Variants in ITGA2 observed in about 807,000 individuals in gnomAD.
ITGA2 encodes integrin alpha-2.
A neutral mutation model predicts 146.3 loss-of-function variants in ITGA2; 101 were observed. That is an observed-to-expected ratio of 0.69 (90% CI 0.59 to 0.81). The LOEUF (loss-of-function observed/expected upper bound fraction) is 0.81. Ranked by LOEUF, ITGA2 falls within the 40% of genes least tolerant of loss-of-function variation. ITGA2 has a pLI of 0.00. For synonymous variants in ITGA2, 477 were observed against 487.1 expected (o/e 0.98, Z 0.27); for missense variants, 1,281 against 1,402.7 (o/e 0.91, Z 1.39).
At chr5:53,054,578 G>A (rs553935501) in intron 7 of ITGA2, among the ~76,000 whole-genome samples, 3 of 152,002 alleles carry the variant, frequency 2.0e-5, no homozygotes, top group Admixed American at 6.6e-5. Context: ...CAATAATGGG[G>A]AACCGGTTAA....
At chr5:53,050,164 T>A (rs535094264) in intron 6 of ITGA2, among the ~76,000 whole-genome samples, 1 of 152,324 alleles carries the variant, frequency 6.6e-6, no homozygotes, top group East Asian at 1.9e-4. Context: ...ATGTGACTAA[T>A]TTTATTTAAG....
intron 27 of ITGA2, among the ~76,000 whole-genome samples, chr5:53,084,235 G>C (rs1746052110): frequency 6.6e-6 from 1 of 152,000 alleles, no homozygotes; most frequent in African/African-American, 2.4e-5. Context: ...CTCCAATTGA[G>C]GAAGAAAAAC....
chr5:53,085,038 C>T (rs1214263057), intron 27 of ITGA2, among the ~76,000 whole-genome samples: 2 of 152,162 alleles, frequency 1.3e-5, no homozygotes, highest in Non-Finnish European at 1.5e-5. Flanking sequence ...AAGTGACATA[C>T]AAGGATTGTG....
chr5:53,043,775 T>C (rs1743922475), intron 3 of ITGA2, among the ~76,000 whole-genome samples: 1 of 152,164 alleles, frequency 6.6e-6, no homozygotes, highest in Non-Finnish European at 1.5e-5. Flanking sequence ...ATTAATGTCA[T>C]TTGTACCTGA....
At chr5:53,045,861 T>C (rs1744055406) in intron 4 of ITGA2, among the ~76,000 whole-genome samples, 1 of 151,958 alleles carries the variant, frequency 6.6e-6, no homozygotes, top group Non-Finnish European at 1.5e-5. Flanking sequence ...CATTGACTCA[T>C]ATAGGTATGT....
intron 1 of ITGA2, among the ~76,000 whole-genome samples, chr5:53,026,501 T>C (rs1742951476): frequency 6.6e-6 from 1 of 152,206 alleles, no homozygotes; most frequent in Non-Finnish European, 1.5e-5. Flanking sequence ...AAGATAATAT[T>C]AGTAACTATC....
intron 4 of ITGA2, 55 bp downstream of exon 4, chr5:53,045,147 G>A (rs1744014538): frequency 2.3e-6 from 3 of 1,295,314 alleles, no homozygotes; most frequent in Middle Eastern, 1.8e-4. Context: ...ATAGACAGTA[G>A]TGTCTTCTCA....
At chr5:53,005,377 T>C (rs1308041051) in intron 1 of ITGA2, among the ~76,000 whole-genome samples, 1 of 151,338 alleles carries the variant, frequency 6.6e-6, no homozygotes, top group Non-Finnish European at 1.5e-5. Flanking sequence ...AGGTGAGGAG[T>C]TTGAGACCAG....
At position 53,065,922 on chromosome 5, in the gene ITGA2, G is replaced by C; in HGVS notation, c.1888G>C (p.Gly630Arg). The change falls in exon 15 of 30, where the codon GGG becomes CGG. Residue 630 changes from glycine to arginine, a missense_variant. Coordinates refer to ENST00000296585, the MANE Select transcript of ITGA2 (RefSeq NM_002203.4). ...RSLDGYGDLN[G>R]DSITDVSIGA... ...CTTGGATGGCTATGGAGATTTAAAT[G>C]GGGATTCCATCACCGATGTGTCTAT... 6.2e-7 allele frequency: 1 copy of C among 1,612,184 alleles called. No homozygotes were observed. Among genetic ancestry groups the C allele is most frequent in the Non-Finnish European group, 8.5e-7 (1 of 1,178,786 alleles).
At chr5:53,020,538 A>C (rs1030739186) in intron 1 of ITGA2, among the ~76,000 whole-genome samples, 5 of 152,142 alleles carry the variant, frequency 3.3e-5, no homozygotes, top group Non-Finnish European at 7.4e-5. Context: ...ATATTTGTGC[A>C]TGTGACAATA....
chr5:53,050,955 C>T (rs2910976), intron 6 of ITGA2, among the ~76,000 whole-genome samples: 1 of 152,246 alleles, frequency 6.6e-6, no homozygotes, highest in East Asian at 1.9e-4. Context: ...GTATTCAATT[C>T]TAATTATTTA....
rs10067497 is a variant in ITGA2, at chr5:52,997,779, A to T, written c.64+8247A>T. Among the ~76,000 whole-genome samples, 804 of 152,288 alleles carry T rather than the reference A, an allele frequency of 5.3e-3. 8 individuals carry two copies. Among genetic ancestry groups the T allele is most frequent in the African/African-American group, 0.019 (770 of 41,548 alleles). ...CAACAGCTTCTTAGATGCTTGTTAG[A>T]ATAGAGACCCCAAACCATCCTGGAT... On this transcript the variant is annotated intron_variant, in intron 1 of 29. Transcript: ENST00000296585.
chr5:53,039,739 C>CAAAA (rs1175067104), intron 2 of ITGA2, among the ~76,000 whole-genome samples: 20 of 33,204 alleles, frequency 6.0e-4, no homozygotes, highest in African/African-American at 9.2e-4. Flanking sequence ...GACTCCATCT[C>CAAAA]AAAAAAAAAA....
chr5:53,041,023 G>A (rs1190251673), intron 2 of ITGA2, among the ~76,000 whole-genome samples: 1 of 151,874 alleles, frequency 6.6e-6, no homozygotes, highest in African/African-American at 2.4e-5. Flanking sequence ...CCTCAACATG[G>A]GGCATATGTT....
intron 3 of ITGA2, among the ~76,000 whole-genome samples, chr5:53,042,656 A>G (rs1007380912): frequency 2.0e-5 from 3 of 152,150 alleles, no homozygotes; most frequent in Non-Finnish European, 4.4e-5. Context: ...ATGGCATTCT[A>G]ATAAAACAAA....
At chr5:53,002,675 A>C (rs983752864) in intron 1 of ITGA2, among the ~76,000 whole-genome samples, 2 of 152,158 alleles carry the variant, frequency 1.3e-5, no homozygotes, top group African/African-American at 4.8e-5. Context: ...ATCATTGTAC[A>C]AGAAGTTTTT....
intron 1 of ITGA2, among the ~76,000 whole-genome samples, chr5:53,018,497 C>T (rs1295124562): frequency 2.0e-5 from 3 of 151,662 alleles, no homozygotes; most frequent in Admixed American, 6.6e-5. Context: ...GCTTTCTCCC[C>T]CTTCAGCCCA....
chr5:53,088,154 G>A (rs1740206568), intron 28 of ITGA2, among the ~76,000 whole-genome samples: 1 of 152,152 alleles, frequency 6.6e-6, no homozygotes, highest in Non-Finnish European at 1.5e-5. Flanking sequence ...GCATAGGGGA[G>A]AAGTATTATA....
At chr5:53,052,244 C>G (rs1744406736) in intron 7 of ITGA2, among the ~76,000 whole-genome samples, 1 of 152,062 alleles carries the variant, frequency 6.6e-6, no homozygotes, top group Non-Finnish European at 1.5e-5. Flanking sequence ...CCTAGTCCCC[C>G]ACCCCTTGAC....
Sources: gnomAD v4.1 joint callset for allele counts (sites outside exome capture counted in the v4.1 genomes callset) on GRCh38, gnomAD v4.1.1 for gene constraint, MANE v1.5 for transcripts, NCBI Gene and HGNC (gene_info 2026-07-23, HGNC 2026-07-21) for gene names.